Variants in ENPP4 observed in about 807,000 individuals in gnomAD.
The protein encoded by ENPP4 is ectonucleotide pyrophosphatase/phosphodiesterase 4, also known as bis(5'-adenosyl)-triphosphatase ENPP4.
Under a neutral mutation model 33.4 loss-of-function variants are expected in ENPP4, and 18 were observed. That is an observed-to-expected ratio of 0.54 (90% CI 0.37 to 0.80). ENPP4 has a LOEUF of 0.80. ENPP4 is among the 30% of genes least tolerant of loss of function. The probability of loss-of-function intolerance (pLI) is 0.00; values close to 1 mark genes in which losing one functional copy is unlikely to be tolerated. For missense variants in ENPP4, 480 were observed against 541.7 expected (o/e 0.89, Z 1.13); for synonymous variants, 172 against 189.9 (o/e 0.91, Z 0.78).
intron 3 of ENPP4, 152 bp downstream of exon 3, chr6:46,141,374 T>G (rs1436862088): frequency 1.8e-6 from 1 of 569,038 alleles, no homozygotes; most frequent in African/African-American, 2.0e-5. Flanking sequence ...CTTCATTTAA[T>G]AGCAATTTAC....
At chr6:46,134,898 C>T (rs1763956706) in intron 1 of ENPP4, among the ~76,000 whole-genome samples, 1 of 151,806 alleles carries the variant, frequency 6.6e-6, no homozygotes, top group Admixed American at 6.6e-5. Flanking sequence ...TACTTTTAGT[C>T]TCTATAGATT....
chr6:46,133,114 A>C (rs1763926702), intron 1 of ENPP4, among the ~76,000 whole-genome samples: 1 of 151,694 alleles, frequency 6.6e-6, no homozygotes, highest in Admixed American at 6.6e-5. Flanking sequence ...AATTTGACTT[A>C]ATTTGGAAGA....
intron 1 of ENPP4, among the ~76,000 whole-genome samples, chr6:46,132,613 G>T (rs1763916392): frequency 6.6e-6 from 1 of 152,096 alleles, no homozygotes. Flanking sequence ...TGTTCTTTTG[G>T]CTAAGGATTG....
rs968734891 is a variant in ENPP4 at position 46,145,503 on chromosome 6, A to G, written c.*1863A>G. ...AATTCTACTTTAATTTCCATTAAAA[A>G]GCAAATAGCATTGACACATTTAAAG... is the stretch of plus-strand genomic sequence containing the variant. On this transcript the variant is annotated 3_prime_UTR_variant, in exon 4 of 4. Transcript: ENST00000321037. The G allele has an allele frequency of 1.3e-5, 2 of 151,950 alleles. No homozygotes were observed. Among genetic ancestry groups the G allele is most frequent in the Admixed American group, 6.6e-5 (1 of 15,202 alleles). The allele number at this position is 151,950 out of a possible 1,614,324, so 9.4% of individuals were successfully genotyped here.
At chr6:46,141,971 C>T (rs1342456019) in intron 3 of ENPP4, among the ~76,000 whole-genome samples, 4 of 151,348 alleles carry the variant, frequency 2.6e-5, no homozygotes, top group African/African-American at 9.7e-5. Flanking sequence ...CCATAGACAA[C>T]CTGTAAAGAA....
At position 46,139,866 on chromosome 6, in the gene ENPP4, G is replaced by C; in HGVS notation, c.283G>C (p.Asp95His). The change falls in exon 2 of 4, where the codon GAT becomes CAT. Residue 95 changes from aspartate (D) to histidine (H), a missense_variant. Around this residue, in one of 3 missense-constraint regions of ENPP4, gnomAD observed 227 missense variants for 273.7 expected, o/e 0.83. Transcript: ENST00000321037. The part of the protein sequence containing the change: ...SHGIVANSMY[D>H]AVTKKHFSDS... ...TGGCATTGTGGCTAATTCCATGTAT[G>C]ATGCAGTCACAAAGAAACACTTTTC... 1 of 1,612,738 alleles carries C rather than the reference G, an allele frequency of 6.2e-7. No individual in the cohort carries two copies. Among genetic ancestry groups the C allele is most frequent in the Non-Finnish European group, 8.5e-7 (1 of 1,179,108 alleles).
At chr6:46,136,656 A>T (rs1763979359) in intron 1 of ENPP4, among the ~76,000 whole-genome samples, 1 of 151,880 alleles carries the variant, frequency 6.6e-6, no homozygotes, top group Non-Finnish European at 1.5e-5. Flanking sequence ...TTGTATAGGC[A>T]GGGGGGCCTT....
At chr6:46,136,471 A>G (rs556776405) in intron 1 of ENPP4, among the ~76,000 whole-genome samples, 2 of 151,990 alleles carry the variant, frequency 1.3e-5, no homozygotes, top group Non-Finnish European at 2.9e-5. Context: ...AAGATGAACG[A>G]TGATTATACT....
intron 1 of ENPP4, 48 bp from the exon 2 acceptor site, chr6:46,139,503 C>T: frequency 1.3e-6 from 1 of 767,104 alleles, no homozygotes; most frequent in East Asian, 2.5e-5. Context: ...AAAACTTAAC[C>T]CAAATGAAAT....
chr6:46,141,678 C>A (rs753560303), intron 3 of ENPP4, among the ~76,000 whole-genome samples: 1 of 151,576 alleles, frequency 6.6e-6, no homozygotes, highest in African/African-American at 2.4e-5. Flanking sequence ...AGTAACCAAA[C>A]AAATCCACCA....
rs755216798 is a variant in ENPP4 at position 46,139,757 on chromosome 6, G to T, written c.174G>T (p.Leu58Phe). The T allele has an allele frequency of 4.4e-5, 71 of 1,611,772 alleles. No homozygotes were observed. Among genetic ancestry groups the T allele is most frequent in the Non-Finnish European group, 5.3e-5 (63 of 1,178,718 alleles). Reference sequence around the variant, plus strand: ...AGAATTTTATCAAAGAAGGTGTTTTGGTAGAGCATGTTAAAAATGTTTTTA... The same window carrying T: ...AGAATTTTATCAAAGAAGGTGTTTTTGTAGAGCATGTTAAAAATGTTTTTA... Reference protein sequence around the residue: ...HLQNFIKEGVLVEHVKNVFIT... With the variant: ...HLQNFIKEGVFVEHVKNVFIT... Residue 58 changes from leucine (L) to phenylalanine (F), a missense_variant, in exon 2 of 4, where the codon TTG becomes TTT. Physicochemically the swap from Leu to Phe is conservative, Grantham distance 22. Coordinates refer to ENST00000321037, the MANE Select transcript of ENPP4 (RefSeq NM_014936.5).
At chr6:46,134,630 G>A (rs1488628756) in intron 1 of ENPP4, among the ~76,000 whole-genome samples, 2 of 152,020 alleles carry the variant, frequency 1.3e-5, no homozygotes, top group Non-Finnish European at 2.9e-5. Context: ...GATCAAAAAT[G>A]TTTCCTGTTT....
chr6:46,135,550 TA>T (rs1368000431), intron 1 of ENPP4, among the ~76,000 whole-genome samples: 2 of 152,106 alleles, frequency 1.3e-5, no homozygotes, highest in African/African-American at 4.8e-5. Context: ...ATTCTTTATA[TA>T]GTCTAGATAC....
At chr6:46,130,439 C>T (rs1302589392) in intron 1 of ENPP4, among the ~76,000 whole-genome samples, 1 of 152,114 alleles carries the variant, frequency 6.6e-6, no homozygotes, top group African/African-American at 2.4e-5. Context: ...GGGAAGGCAA[C>T]CTGTGGTGTT....
chr6:46,133,344 T>C (rs191177577), intron 1 of ENPP4, among the ~76,000 whole-genome samples: 134 of 152,302 alleles, frequency 8.8e-4, no homozygotes, highest in African/African-American at 3.1e-3. Context: ...AAGCAACTGA[T>C]AATAATCTAA....
chr6:46,140,432 G>A (rs777462064), intron 2 of ENPP4, 23 bp downstream of exon 2: 1 of 1,344,236 alleles, frequency 7.4e-7, no homozygotes, highest in Non-Finnish European at 1.0e-6. Flanking sequence ...TCAACTGAGG[G>A]ATACTATTAT....
At chr6:46,136,029 T>C (rs1038062177) in intron 1 of ENPP4, among the ~76,000 whole-genome samples, 12 of 151,990 alleles carry the variant, frequency 7.9e-5, no homozygotes, top group African/African-American at 2.9e-4. Flanking sequence ...AAATAATACA[T>C]TATGGTGTAT....
Position 46,130,016 on chromosome 6 carries a change from A to G in ENPP4, c.-207A>G, listed in dbSNP as rs1390817848. ...TCGGAGCGCCCCGAGCGGCGCAGAT[A>G]GGGACGTTGGGGCTGTGCCCCGCGG... is the stretch of plus-strand genomic sequence containing the variant. On this transcript the variant is annotated 5_prime_UTR_variant, in exon 1 of 4. It adds an upstream start codon to the 5' untranslated region. Coordinates refer to ENST00000321037, the MANE Select transcript of ENPP4 (RefSeq NM_014936.5). The G allele has an allele frequency of 6.6e-6, 1 of 152,232 alleles. No homozygotes were observed. Among genetic ancestry groups the G allele is most frequent in the Non-Finnish European group, 1.5e-5 (1 of 68,092 alleles). 9.4% of individuals were successfully genotyped at this position (152,232 alleles called of 1,614,324 possible).
chr6:46,131,767 C>T (rs1486344631), intron 1 of ENPP4, among the ~76,000 whole-genome samples: 5 of 151,752 alleles, frequency 3.3e-5, no homozygotes, highest in Non-Finnish European at 5.9e-5. Flanking sequence ...AGTTTACAGT[C>T]CCACCAACAG....
Sources: gnomAD v4.1 joint callset for allele counts (sites outside exome capture counted in the v4.1 genomes callset) on GRCh38, gnomAD v4.1.1 for gene constraint, gnomAD v4.1.1 regional missense constraint, MANE v1.5 for transcripts, NCBI Gene and HGNC (gene_info 2026-07-23, HGNC 2026-07-21) for gene names.